The following KCNIP4 variants were observed in gnomAD, a reference collection of about 807,000 sequenced individuals.
KCNIP4 encodes the protein potassium voltage-gated channel interacting protein 4.
In KCNIP4, 12 loss-of-function variants were observed where a neutral mutation model predicts 34.0. The observed-to-expected ratio is 0.35, with a 90% CI of 0.23 to 0.57. The LOEUF (loss-of-function observed/expected upper bound fraction) is 0.57. KCNIP4 is among the 20% of genes least tolerant of loss of function. KCNIP4 has a pLI of 0.83. For synonymous variants in KCNIP4, 124 were observed against 102.2 expected (o/e 1.21, Z -1.29); for missense variants, 238 against 311.7 (o/e 0.76, Z 1.78).
chr4:21,843,779 T>C (rs1723837486), intron 1 of KCNIP4: 2 of 152,098 alleles, frequency 1.3e-5, no homozygotes, highest in Non-Finnish European at 2.9e-5. Context: ...CAATTACAAT[T>C]GCAAGTAATA....
chr4:21,276,294 T>C (rs530505594), intron 1 of KCNIP4, among the ~76,000 whole-genome samples: 1 of 152,238 alleles, frequency 6.6e-6, no homozygotes, highest in African/African-American at 2.4e-5. Flanking sequence ...GACAATACAT[T>C]TCTGTGGTTT....
chr4:21,437,467 C>G (rs964504832), intron 1 of KCNIP4, among the ~76,000 whole-genome samples: 10 of 152,164 alleles, frequency 6.6e-5, no homozygotes, highest in African/African-American at 2.4e-4. Flanking sequence ...TGTTCTTCCT[C>G]CATTTCCCAT....
At chr4:21,575,579 T>A (rs1018888790) in intron 1 of KCNIP4, among the ~76,000 whole-genome samples, 5 of 152,152 alleles carry the variant, frequency 3.3e-5, no homozygotes, top group Non-Finnish European at 4.4e-5. Flanking sequence ...TCTTAGTAGT[T>A]ATTTAGATAC....
chr4:21,133,051 C>A (rs908403006), intron 1 of KCNIP4, among the ~76,000 whole-genome samples: 1 of 151,518 alleles, frequency 6.6e-6, no homozygotes, highest in African/African-American at 2.4e-5. Context: ...GTCAAAAATT[C>A]AAAAATAATC....
At chr4:21,147,632 G>C (rs1752453349) in intron 1 of KCNIP4, among the ~76,000 whole-genome samples, 1 of 151,842 alleles carries the variant, frequency 6.6e-6, no homozygotes, top group Non-Finnish European at 1.5e-5. Context: ...TTATATTCCA[G>C]GCCATTAAAA....
chr4:21,074,194 A>G (rs1745251141), intron 1 of KCNIP4, among the ~76,000 whole-genome samples: 2 of 152,268 alleles, frequency 1.3e-5, no homozygotes, highest in South Asian at 4.1e-4. Flanking sequence ...TTTGACTGGA[A>G]TAGTTTCAGA....
intron 1 of KCNIP4, among the ~76,000 whole-genome samples, chr4:21,168,592 T>C (rs969309290): frequency 1.3e-5 from 2 of 152,198 alleles, no homozygotes; most frequent in Non-Finnish European, 2.9e-5. Context: ...CTAGGGTAGC[T>C]GGAGTCCTAA....
At chr4:21,423,988 T>A (rs1725723959) in intron 1 of KCNIP4, among the ~76,000 whole-genome samples, 1 of 147,162 alleles carries the variant, frequency 6.8e-6, no homozygotes, top group African/African-American at 2.5e-5. Flanking sequence ...TTTTTTTTTC[T>A]TTTTGTATTT....
At chr4:20,824,629 G>A (rs1388068805) in intron 3 of KCNIP4, among the ~76,000 whole-genome samples, 1 of 152,078 alleles carries the variant, frequency 6.6e-6, no homozygotes, top group Non-Finnish European at 1.5e-5. Flanking sequence ...GCAGTGAGCC[G>A]AGATTGCACT....
At chr4:21,769,674 A>G (rs1308237551) in intron 1 of KCNIP4, among the ~76,000 whole-genome samples, 1 of 152,108 alleles carries the variant, frequency 6.6e-6, no homozygotes, top group Admixed American at 6.6e-5. Context: ...TCATTATCAC[A>G]TTACACCATT....
chr4:21,355,820 G>A (rs924472814), intron 1 of KCNIP4, among the ~76,000 whole-genome samples: 4 of 152,122 alleles, frequency 2.6e-5, no homozygotes, highest in African/African-American at 9.7e-5. Flanking sequence ...GCATCATCCT[G>A]ATCCCAAAAC....
chr4:21,664,173 T>G (rs931387802), intron 1 of KCNIP4, among the ~76,000 whole-genome samples: 1 of 152,096 alleles, frequency 6.6e-6, no homozygotes, highest in Admixed American at 6.5e-5. Context: ...GGTCTTGAAC[T>G]CCTTGCCTCA....
intron 1 of KCNIP4, among the ~76,000 whole-genome samples, chr4:21,478,295 A>G (rs1731155575): frequency 6.6e-6 from 1 of 152,042 alleles, no homozygotes; most frequent in Non-Finnish European, 1.5e-5. Flanking sequence ...ATTTGTCTCA[A>G]TGGAGATTTC....
intron 1 of KCNIP4, among the ~76,000 whole-genome samples, chr4:21,521,711 AT>A (rs1440614575): frequency 6.6e-6 from 1 of 152,092 alleles, no homozygotes; most frequent in Non-Finnish European, 1.5e-5. Context: ...ACCTCCTCCA[AT>A]TTGGACTACT....
In KCNIP4 at chr4:21,828,906, GTA is replaced by G. The variant is rs771459681; in HGVS notation, c.61+119663_61+119664del. ...TGCCCAATGAGAGCTTTGCAATGCA[GTA>G]AGAAATGGTGATAAATACATGGCTT... On this transcript the variant is annotated intron_variant, in intron 1 of 8. Transcript: ENST00000382152. Among the ~76,000 whole-genome samples the G allele has an allele frequency of 5.5e-4, 84 of 152,052 alleles. 1 individual carries two copies. Among genetic ancestry groups the G allele is most frequent in the Non-Finnish European group, 5.4e-4 (37 of 67,892 alleles).
intron 2 of KCNIP4, among the ~76,000 whole-genome samples, chr4:20,877,070 A>G (rs1333820371): frequency 1.3e-5 from 2 of 152,120 alleles, no homozygotes; most frequent in African/African-American, 4.8e-5. Context: ...CTTTGTGGAC[A>G]ATATTATCTG....
intron 1 of KCNIP4, among the ~76,000 whole-genome samples, chr4:21,855,299 C>T (rs1223613273): frequency 6.6e-6 from 1 of 152,240 alleles, no homozygotes; most frequent in Non-Finnish European, 1.5e-5. Context: ...CTGCCAGTGA[C>T]TGCAGTCTGA....
chr4:21,890,476 A>C lies in KCNIP4; in HGVS notation c.61+58095T>G, dbSNP rs1417742034. On this transcript the variant is annotated intron_variant, in intron 1 of 8. Transcript: ENST00000382152. ...CTAAAGACCAATTTTATATTTTATT[A>C]GTAATTTGGTATTCATCCAGATGGG... 2.0e-5 allele frequency among the ~76,000 whole-genome samples: 3 copies of C among 152,104 alleles called. No homozygotes were observed. In the East Asian group the frequency reaches 5.8e-4, roughly 29 times the overall value.
At chr4:21,232,028 T>C (rs1758823116) in intron 1 of KCNIP4, among the ~76,000 whole-genome samples, 2 of 152,132 alleles carry the variant, frequency 1.3e-5, no homozygotes, top group South Asian at 4.1e-4. Flanking sequence ...CAGCTGGAAT[T>C]AACTGTTCTT....
Sources: allele counts gnomAD v4.1 joint callset (sites outside exome capture counted in the v4.1 genomes callset), GRCh38; gene constraint gnomAD v4.1.1; transcripts MANE v1.5; gene names NCBI Gene and HGNC (gene_info 2026-07-23, HGNC 2026-07-21).